ESRRG: variants seen among roughly 807,000 people sequenced by gnomAD.
ESRRG encodes the protein estrogen related receptor gamma.
A neutral mutation model predicts 44.0 loss-of-function variants in ESRRG; 13 were observed. The ratio of observed to expected loss-of-function variants is 0.30; its 90% CI spans 0.19 to 0.47. ESRRG has a LOEUF of 0.47. Ranked by LOEUF, ESRRG falls within the 20% of genes least tolerant of loss-of-function variation. The pLI is 1.00. For missense variants in ESRRG, 395 were observed against 580.6 expected (o/e 0.68, Z 3.29); for synonymous variants, 215 against 214.6 (o/e 1.00, Z -0.02).
intron 2 of ESRRG, among the ~76,000 whole-genome samples, chr1:216,764,280 T>C (rs1466280538): frequency 1.3e-5 from 2 of 152,010 alleles, no homozygotes; most frequent in African/African-American, 4.8e-5. Flanking sequence ...TTTACTCTTT[T>C]TTTTTTTCTG....
At chr1:216,821,975 C>T (rs1339901295) in intron 2 of ESRRG, among the ~76,000 whole-genome samples, 2 of 151,844 alleles carry the variant, frequency 1.3e-5, no homozygotes, top group African/African-American at 4.8e-5. Context: ...CCCTAGGTAA[C>T]TCTCCATTGC....
At chr1:216,903,279 C>T (rs1035361218) in intron 2 of ESRRG, among the ~76,000 whole-genome samples, 8 of 152,096 alleles carry the variant, frequency 5.3e-5, no homozygotes, top group Non-Finnish European at 1.0e-4. Context: ...GCATGTTATT[C>T]TTCATGGAGT....
intron 3 of ESRRG, among the ~76,000 whole-genome samples, chr1:216,573,784 T>C (rs1009749882): frequency 1.3e-5 from 2 of 152,006 alleles, no homozygotes; most frequent in African/African-American, 4.8e-5. Flanking sequence ...ATGATTTTCC[T>C]GAGTTTAGCT....
intron 1 of ESRRG, among the ~76,000 whole-genome samples, chr1:217,081,221 C>CCTTT (rs750003890): frequency 1.1e-4 from 8 of 70,416 alleles, no homozygotes; most frequent in African/African-American, 4.8e-4. Context: ...TAAAAATATT[C>CCTTT]TTTTTTTTTT....
chr1:217,045,282 T>C (rs1283544841), intron 1 of ESRRG, among the ~76,000 whole-genome samples: 1 of 152,170 alleles, frequency 6.6e-6, no homozygotes, highest in Non-Finnish European at 1.5e-5. Context: ...CCTTGCGGGA[T>C]TGTAAACGAC....
At chr1:216,696,192 T>TTA (rs2080125516) in intron 1 of ESRRG, among the ~76,000 whole-genome samples, 1 of 152,192 alleles carries the variant, frequency 6.6e-6, no homozygotes, top group Non-Finnish European at 1.5e-5. Flanking sequence ...AAGATGAGTG[T>TTA]TATCTCCATT....
intron 2 of ESRRG, among the ~76,000 whole-genome samples, chr1:216,878,000 A>G (rs2096384283): frequency 6.6e-6 from 1 of 152,206 alleles, no homozygotes; most frequent in Non-Finnish European, 1.5e-5. Flanking sequence ...TGGGAGGCAT[A>G]TCAGGAATAA....
chr1:216,682,898 T>G (rs1207811655), intron 1 of ESRRG, among the ~76,000 whole-genome samples: 1 of 152,222 alleles, frequency 6.6e-6, no homozygotes, highest in Non-Finnish European at 1.5e-5. Flanking sequence ...TTCAACTAAT[T>G]GCACTCTCGT....
intron 2 of ESRRG, among the ~76,000 whole-genome samples, chr1:216,848,489 T>C (rs562946752): frequency 2.7e-4 from 41 of 152,276 alleles, no homozygotes; most frequent in African/African-American, 9.6e-4. Context: ...GTTAACTGTT[T>C]AGCAGTGTAT....
chr1:216,641,256 C>T (rs1007642090), intron 3 of ESRRG, among the ~76,000 whole-genome samples: 3 of 152,160 alleles, frequency 2.0e-5, no homozygotes, highest in Non-Finnish European at 4.4e-5. Flanking sequence ...GTTTAGTTCA[C>T]ATCAAAGATT....
Position 216,712,277 on chromosome 1 carries a change from A to G in ESRRG, c.56+10967T>C, listed in dbSNP as rs570642329. 7.9e-5 allele frequency among the ~76,000 whole-genome samples: 12 copies of G among 152,328 alleles called. No individual in the cohort carries two copies. The South Asian group carries it at 2.5e-3, about 32-fold the overall frequency. ...TGGTGAAGCCACTTAGCAATGCTAT[A>G]TAACGGAAGAGCAAATGCTTCATTC... On this transcript the variant is annotated intron_variant, in intron 1 of 6. Transcript: ENST00000408911.
At chr1:216,864,630 C>T (rs750393912) in intron 2 of ESRRG, 8 of 152,184 alleles carry the variant, frequency 5.3e-5, no homozygotes, top group Admixed American at 3.3e-4. Context: ...CAAACGTGTT[C>T]TAAGAAGGCA....
chr1:216,831,293 C>T (rs2095483602), intron 2 of ESRRG, among the ~76,000 whole-genome samples: 1 of 152,152 alleles, frequency 6.6e-6, no homozygotes, highest in Non-Finnish European at 1.5e-5. Context: ...TAAACTTCAT[C>T]ACCTTATTGC....
At chr1:217,008,693 A>G (rs1390547064) in intron 1 of ESRRG, among the ~76,000 whole-genome samples, 1 of 152,200 alleles carries the variant, frequency 6.6e-6, no homozygotes, top group Non-Finnish European at 1.5e-5. Context: ...AGAAATCTTA[A>G]AGGTTTTATT....
intron 2 of ESRRG, among the ~76,000 whole-genome samples, chr1:216,841,703 A>C (rs1398297942): frequency 1.3e-5 from 2 of 152,166 alleles, no homozygotes; most frequent in Admixed American, 1.3e-4. Context: ...CTGCAGGGCC[A>C]GATGTAGCCT....
rs181963049 is a variant in ESRRG, at chr1:216,608,108, A to T, written c.590-40010T>A. On this transcript the variant is annotated intron_variant, in intron 3 of 6. Transcript: ENST00000408911. ...ATGTTACTTCTCTTAATCAGTTCTG[A>T]TTGGTATTTGCTATATGAGACACAG... Among the ~76,000 whole-genome samples the T allele has an allele frequency of 3.2e-3, 481 of 152,300 alleles. 3 individuals carry two copies. The highest frequency in any genetic ancestry group is 0.011 in the African/African-American group (448 of 41,568).
At chr1:216,907,522 G>C (rs913483092) in intron 2 of ESRRG, among the ~76,000 whole-genome samples, 3 of 152,100 alleles carry the variant, frequency 2.0e-5, no homozygotes, top group African/African-American at 7.2e-5. Context: ...GAACAAGTAT[G>C]GTTAAGTAAT....
At chr1:216,593,222 T>C (rs1462380957) in intron 3 of ESRRG, among the ~76,000 whole-genome samples, 2 of 152,240 alleles carry the variant, frequency 1.3e-5, no homozygotes, top group Admixed American at 6.5e-5. Context: ...TTCTTTTCCA[T>C]TGTTGCTTAG....
intron 5 of ESRRG, among the ~76,000 whole-genome samples, chr1:216,559,470 A>G (rs2058280755): frequency 6.6e-6 from 1 of 152,354 alleles, no homozygotes; most frequent in Admixed American, 6.5e-5. Flanking sequence ...CAACAAATCA[A>G]TAAACATTTT....
Sources: allele counts gnomAD v4.1 joint callset (sites outside exome capture counted in the v4.1 genomes callset), GRCh38; gene constraint gnomAD v4.1.1; transcripts MANE v1.5; gene names NCBI Gene and HGNC (gene_info 2026-07-23, HGNC 2026-07-21).